Variants in RASA2 observed in about 807,000 individuals in gnomAD.
RASA2 encodes the protein RAS p21 protein activator 2.
In RASA2, 155 loss-of-function variants were observed where a neutral mutation model predicts 118.2. The ratio of observed to expected loss-of-function variants is 1.31; its 90% CI spans 1.15 to 1.50. The LOEUF is 1.50. Among genes scored for constraint, RASA2 ranks in the 40% most tolerant of loss-of-function variants. The pLI, the probability that RASA2 is intolerant of heterozygous loss-of-function variation, is 0.00. For missense variants in RASA2, 1,016 were observed against 1,009.6 expected, an observed-to-expected ratio of 1.01 and a Z score of -0.09; for synonymous variants, 353 against 349.1, an observed-to-expected ratio of 1.01 and a Z score of -0.12.
chr3:141,556,216 T>C (rs767584748), intron 7 of RASA2, among the ~76,000 whole-genome samples: 4 of 152,160 alleles, frequency 2.6e-5, no homozygotes, highest in Non-Finnish European at 4.4e-5. Context: ...ACCTAACACA[T>C]AGTGGCCACA....
At chr3:141,541,972 G>C (rs551045796) in intron 5 of RASA2, among the ~76,000 whole-genome samples, 3 of 152,018 alleles carry the variant, frequency 2.0e-5, no homozygotes, top group Non-Finnish European at 2.9e-5. Context: ...CCCTGCTTCA[G>C]TTTAATTATA....
intron 5 of RASA2, among the ~76,000 whole-genome samples, chr3:141,552,445 C>T (rs1487838105): frequency 6.6e-6 from 1 of 152,174 alleles, no homozygotes; most frequent in East Asian, 1.9e-4. Flanking sequence ...CTTGTAACTT[C>T]CTCACATAAC....
At chr3:141,520,599 A>T (rs2082096982) in intron 3 of RASA2, among the ~76,000 whole-genome samples, 1 of 152,006 alleles carries the variant, frequency 6.6e-6, no homozygotes, top group South Asian at 2.1e-4. Context: ...AAACAGAAGA[A>T]TCTGCATATT....
intron 17 of RASA2, among the ~76,000 whole-genome samples, chr3:141,584,223 C>T (rs1015725180): frequency 6.9e-6 from 1 of 145,758 alleles, no homozygotes; most frequent in African/African-American, 2.5e-5. Context: ...CCCAGTTACT[C>T]GGGAGGCTGA....
intron 11 of RASA2, among the ~76,000 whole-genome samples, chr3:141,571,874 G>T (rs1489461790): frequency 6.6e-6 from 1 of 151,508 alleles, no homozygotes; most frequent in Non-Finnish European, 1.5e-5. Flanking sequence ...TATTCATTAT[G>T]TATCACCCTT....
chr3:141,569,301 C>G (rs2082874358), intron 9 of RASA2, among the ~76,000 whole-genome samples: 1 of 151,930 alleles, frequency 6.6e-6, no homozygotes, highest in Admixed American at 6.6e-5. Flanking sequence ...TTTTTAACTC[C>G]TGGAACTCTT....
chr3:141,530,040 TCTTAC>T (rs1409391689), intron 4 of RASA2, among the ~76,000 whole-genome samples: 1 of 150,960 alleles, frequency 6.6e-6, no homozygotes, highest in African/African-American at 2.4e-5. Context: ...GGCATTTCTT[TCTTAC>T]CTTCTGTTTG....
chr3:141,524,703 G>A (rs1190500686), intron 3 of RASA2, among the ~76,000 whole-genome samples: 1 of 152,014 alleles, frequency 6.6e-6, no homozygotes, highest in Non-Finnish European at 1.5e-5. Flanking sequence ...CAATTCTCTT[G>A]TCTCAGCCTC....
intron 17 of RASA2, among the ~76,000 whole-genome samples, chr3:141,581,900 T>A (rs957894083): frequency 3.9e-5 from 6 of 152,228 alleles, no homozygotes; most frequent in Admixed American, 3.9e-4. Context: ...TAGTCCTGAA[T>A]CATCTAAACA....
chr3:141,489,701 A>T (rs911235518), intron 1 of RASA2, among the ~76,000 whole-genome samples: 5 of 152,208 alleles, frequency 3.3e-5, no homozygotes, highest in Admixed American at 6.5e-5. Context: ...CCCCAGTGAA[A>T]AGTGAGGATG....
At chr3:141,512,786 GGCGTGGTGGCTC>G (rs1489300128) in intron 2 of RASA2, among the ~76,000 whole-genome samples, 3 of 152,168 alleles carry the variant, frequency 2.0e-5, no homozygotes, top group African/African-American at 7.2e-5. Context: ...AAGGAGGCCG[GGCGTGGTGGCTC>G]ACGCTTGTAA....
intron 1 of RASA2, among the ~76,000 whole-genome samples, chr3:141,502,853 C>T (rs891671217): frequency 6.6e-6 from 1 of 152,120 alleles, no homozygotes. Context: ...TTGGCGCCTA[C>T]CCTTGTACTT....
intron 6 of RASA2, among the ~76,000 whole-genome samples, chr3:141,555,562 A>G (rs1195835721): frequency 2.6e-5 from 4 of 151,780 alleles, no homozygotes; most frequent in African/African-American, 4.8e-5. Flanking sequence ...CTTATAGAAT[A>G]GAATGTGTTT....
chr3:141,590,604 A>T (rs962284711), intron 19 of RASA2, among the ~76,000 whole-genome samples: 1 of 152,186 alleles, frequency 6.6e-6, no homozygotes, highest in African/African-American at 2.4e-5. Context: ...CTTACTTCCA[A>T]TTTCCCTGCT....
chr3:141,543,165 T>C (rs982215602), intron 5 of RASA2, among the ~76,000 whole-genome samples: 4 of 152,084 alleles, frequency 2.6e-5, no homozygotes, highest in Admixed American at 6.5e-5. Context: ...TTTTGATTTA[T>C]TTATATTGTG....
intron 7 of RASA2, 43 bp downstream of exon 7, chr3:141,555,955 T>C: frequency 7.1e-7 from 1 of 1,403,678 alleles, no homozygotes; most frequent in Non-Finnish European, 9.9e-7. Context: ...AAATATGTAA[T>C]ATTTAATGCT....
chr3:141,571,558 A>G lies in RASA2; in HGVS notation c.1169+4A>G. The G allele has an allele frequency of 2.5e-6, 4 of 1,592,382 alleles. No homozygotes were observed. Among genetic ancestry groups the G allele is most frequent in the Non-Finnish European group, 3.4e-6 (4 of 1,170,466 alleles). ...AATTAGACTTGAAGGATACACAGTA[A>G]GAGTTATATTTTATTAAATGTTAAT... On this transcript the variant is annotated splice_donor_region_variant and intron_variant, in intron 11 of 23. Coordinates refer to ENST00000286364, the MANE Select transcript of RASA2 (RefSeq NM_006506.5).
intron 19 of RASA2, among the ~76,000 whole-genome samples, chr3:141,588,768 T>G (rs2083244315): frequency 6.6e-6 from 1 of 152,166 alleles, no homozygotes; most frequent in Non-Finnish European, 1.5e-5. Context: ...CTCAGATAAT[T>G]TGTTACAACA....
chr3:141,529,703 TG>T lies in RASA2; in HGVS notation c.356-4del. The T allele has an allele frequency of 6.2e-7, 1 of 1,600,092 alleles. No individual in the cohort carries two copies. The highest frequency in any genetic ancestry group is 1.3e-5 in the African/African-American group (1 of 74,546). ...TTCTTATATTGTTTTACTTATTTTC[TG>T]TAGGAAAAGTAGCCATCAAAAAAGA... On this transcript the variant is annotated splice_region_variant and splice_polypyrimidine_tract_variant and intron_variant, in intron 3 of 23. Coordinates refer to ENST00000286364, the MANE Select transcript of RASA2 (RefSeq NM_006506.5).
Sources: allele counts gnomAD v4.1 joint callset (sites outside exome capture counted in the v4.1 genomes callset), GRCh38; gene constraint gnomAD v4.1.1; transcripts MANE v1.5; gene names NCBI Gene and HGNC (gene_info 2026-07-23, HGNC 2026-07-21).